SORL1: variants seen among roughly 807,000 people sequenced by gnomAD.
SORL1 encodes the protein sortilin-related receptor.
SORL1 carries 127 observed loss-of-function variants against 273.7 expected under a neutral mutation model. The ratio of observed to expected loss-of-function variants is 0.46; its 90% CI spans 0.40 to 0.54. The LOEUF (loss-of-function observed/expected upper bound fraction) is 0.54. SORL1 is among the 20% of genes least tolerant of loss of function. SORL1 has a pLI of 0.00. For missense variants in SORL1, 2,494 were observed against 2,846.1 expected (o/e 0.88, Z 2.81); for synonymous variants, 1,031 against 1,067.4 (o/e 0.97, Z 0.66).
At chr11:121,462,377 C>T (rs1471763402) in intron 1 of SORL1, among the ~76,000 whole-genome samples, 1 of 152,110 alleles carries the variant, frequency 6.6e-6, no homozygotes, top group African/African-American at 2.4e-5. Flanking sequence ...TTTTCCATCC[C>T]CTTTTCCCTA....
At chr11:121,624,017 A>C (rs964000883) in intron 45 of SORL1, among the ~76,000 whole-genome samples, 1 of 152,228 alleles carries the variant, frequency 6.6e-6, no homozygotes, top group South Asian at 2.1e-4. Context: ...CAAAGAGAGA[A>C]TGAGAGCCAA....
At chr11:121,577,116 T>A (rs1862942728) in intron 24 of SORL1, 165 bp from the exon 25 acceptor site, 4 of 1,101,462 alleles carry the variant, frequency 3.6e-6, no homozygotes, top group Non-Finnish European at 2.6e-6. Flanking sequence ...GACTGGAAGC[T>A]GTTAAATGAC....
chr11:121,604,045 G>A (rs976641667), intron 32 of SORL1, 148 bp from the exon 33 acceptor site: 27 of 948,192 alleles, frequency 2.8e-5, no homozygotes, highest in South Asian at 6.5e-5. Context: ...CCTTAGTGCC[G>A]GTATAGATTC....
rs765953127 is a variant in SORL1, at chr11:121,625,297, C to T, written c.6364+20C>T. On this transcript the variant is annotated intron_variant, in intron 46 of 47. Transcript: ENST00000260197. ...GGTCTGGTGAGTTGCGATTGCTGCCCGTTTCTGTCTTCAGTTCTAGGGAAA... is the reference window on the plus strand; with the variant it reads ...GGTCTGGTGAGTTGCGATTGCTGCCTGTTTCTGTCTTCAGTTCTAGGGAAA... The T allele has an allele frequency of 8.2e-6, 13 of 1,588,164 alleles. No homozygotes were observed. The highest frequency in any genetic ancestry group is 1.3e-5 in the African/African-American group (1 of 74,218).
chr11:121,532,443 C>T (rs752323596), intron 11 of SORL1, 21 bp from the exon 12 acceptor site: 6 of 1,611,444 alleles, frequency 3.7e-6, no homozygotes, highest in Non-Finnish European at 2.5e-6. Context: ...AGTGGTGTCA[C>T]CATGGATTTT....
At chr11:121,557,052 A>G (rs1862597870) in intron 18 of SORL1, 1 of 515,204 alleles carries the variant, frequency 1.9e-6, no homozygotes, top group Non-Finnish European at 3.5e-6. Context: ...TGCTTTGTCC[A>G]GATCATCATG....
In SORL1 at chr11:121,550,590, G is replaced by A. The variant is rs757471141; in HGVS notation, c.2186G>A (p.Arg729Gln). ...CTCTTGGGGTGGGGTGACAGCTACC[G>A]GAAGATTTCTGGGGACACTTGTAGC... The part of the protein sequence containing the change: ...GSTYRRTRGY[R>Q]KISGDTCSGG... The change falls in exon 16 of 48, where the codon CGG (arginine) becomes CAG (glutamine). Residue 729 changes from arginine to glutamine, a missense_variant. This residue lies in a region of SORL1 where 710 missense variants were observed against 882.5 expected (regional missense o/e 0.80). Transcript: ENST00000260197. The surrounding 1 kb of genome is among the most constrained non-coding windows in gnomAD (Gnocchi z 5.3). 2.5e-5 allele frequency: 40 copies of A among 1,613,940 alleles called. No homozygotes were observed. The highest frequency in any genetic ancestry group is 1.5e-4 in the Admixed American group (9 of 59,988).
At chr11:121,487,928 GC>G in intron 3 of SORL1, 103 bp from the exon 4 acceptor site, 1 of 1,183,098 alleles carries the variant, frequency 8.5e-7, no homozygotes, top group Non-Finnish European at 1.2e-6. Context: ...GTGCCAGCTG[GC>G]CCCTGCACAT....
intron 12 of SORL1, among the ~76,000 whole-genome samples, chr11:121,535,089 G>GT (rs67090204): frequency 6.8e-4 from 101 of 148,604 alleles, no homozygotes; most frequent in Middle Eastern, 3.4e-3. Flanking sequence ...ATTGCTTATG[G>GT]TTTTTTTTTT....
rs1283068492 is a variant in SORL1, at chr11:121,604,391, C to CT, written c.4651+68dup. ...GGGAGGCTCGCTTACCCCAGGGCCC[C>CT]TCCTGTGTAGACCTTGAGCTAGGAC... is the stretch of plus-strand genomic sequence containing the variant. On this transcript the variant is annotated intron_variant, in intron 33 of 47. Coordinates refer to ENST00000260197, the MANE Select transcript of SORL1 (RefSeq NM_003105.6). 10 of 1,579,586 alleles carry CT rather than the reference C, an allele frequency of 6.3e-6. No homozygotes were observed. The East Asian group carries it at 2.3e-4, about 36-fold the overall frequency.
intron 3 of SORL1, 122 bp from the exon 4 acceptor site, chr11:121,487,910 C>A: frequency 2.1e-6 from 2 of 947,294 alleles, no homozygotes; most frequent in Non-Finnish European, 3.2e-6. Flanking sequence ...GGCTGTGGTG[C>A]CTTGTTGGTG....
At chr11:121,527,445 C>T (rs908326900) in intron 11 of SORL1, among the ~76,000 whole-genome samples, 2 of 151,638 alleles carry the variant, frequency 1.3e-5, no homozygotes, top group Non-Finnish European at 2.9e-5. Flanking sequence ...AGATACTTGT[C>T]TTTAATTTGT....
rs1329989670 is a variant in SORL1, at chr11:121,615,072, G to A, written c.5604+17G>A. ...CGGAATGTGGTGAGTCAGCCAGAAT[G>A]ACCATCACAAAGTGAGTGTGGACTG... On this transcript the variant is annotated intron_variant, in intron 41 of 47. Coordinates refer to ENST00000260197, the MANE Select transcript of SORL1 (RefSeq NM_003105.6). 6.3e-7 allele frequency: 1 copy of A among 1,579,504 alleles called. No individual in the cohort carries two copies. Among genetic ancestry groups the A allele is most frequent in the African/African-American group, 1.4e-5 (1 of 73,588 alleles).
In SORL1 at chr11:121,488,342, C is replaced by T. The variant is rs899045369; in HGVS notation, c.690+149C>T. 5 of 818,902 alleles carry T rather than the reference C, an allele frequency of 6.1e-6. No homozygotes were observed. The African/African-American group carries it at 8.6e-5, about 14-fold the overall frequency. The allele number at this position is 818,902 out of a possible 1,614,324, so 50.7% of individuals were successfully genotyped here. ...CCTTTGTAGCTACTATTTCACTTACCAGGGCTCAAGAAAAATATCTCCTCC... is the reference window on the plus strand; with the variant it reads ...CCTTTGTAGCTACTATTTCACTTACTAGGGCTCAAGAAAAATATCTCCTCC... On this transcript the variant is annotated intron_variant, in intron 4 of 47. Transcript: ENST00000260197.
Position 121,609,188 on chromosome 11 carries a change from G to T in SORL1, c.5239+1012G>T, listed in dbSNP as rs373346495. 7.2e-5 allele frequency: 11 copies of T among 152,296 alleles called. No homozygotes were observed. The South Asian group carries it at 1.0e-3, about 14-fold the overall frequency. The allele number at this position is 152,296 out of a possible 1,614,324, so 9.4% of individuals were successfully genotyped here. On this transcript the variant is annotated intron_variant, in intron 38 of 47. Coordinates refer to ENST00000260197, the MANE Select transcript of SORL1 (RefSeq NM_003105.6). The stretch of plus-strand genomic sequence containing the variant: ...GACACTGTGGCATGCAATAGGACTG[G>T]AAGATTTTACTTTAACCTAAGCCTG...
At position 121,632,231 on chromosome 11, in the gene SORL1, G is replaced by A. The variant is rs1433225680; in HGVS notation, c.*2668G>A. ...TGGGCCTCTAAAAATTGGTGGGCAGGGGGTTTGCTTATGAGTTTTCTCTGG... is the reference window on the plus strand; with the variant it reads ...TGGGCCTCTAAAAATTGGTGGGCAGAGGGTTTGCTTATGAGTTTTCTCTGG... On this transcript the variant is annotated 3_prime_UTR_variant, in exon 48 of 48. Transcript: ENST00000260197. 2 of 152,154 alleles carry A rather than the reference G, an allele frequency of 1.3e-5. No individual in the cohort carries two copies. Among genetic ancestry groups the A allele is most frequent in the Non-Finnish European group, 1.5e-5 (1 of 68,048 alleles). The allele number at this position is 152,154 out of a possible 1,614,324, so 9.4% of individuals were successfully genotyped here. A position where few individuals can be genotyped will look rare whatever the true frequency, so the allele number is the denominator to read the frequency against.
At chr11:121,515,367 T>C (rs1861935641) in intron 8 of SORL1, among the ~76,000 whole-genome samples, 1 of 152,190 alleles carries the variant, frequency 6.6e-6, no homozygotes, top group African/African-American at 2.4e-5. Context: ...TTCTATTGGC[T>C]GCTTCAGGAG....
chr11:121,503,178 A>G (rs1861737871), intron 6 of SORL1, among the ~76,000 whole-genome samples: 1 of 152,046 alleles, frequency 6.6e-6, no homozygotes, highest in Admixed American at 6.6e-5. Context: ...CCGTGTTTTT[A>G]ATTTTGATGA....
chr11:121,520,759 G>C lies in SORL1; in HGVS notation c.1314G>C (p.Met438Ile). The change falls in exon 9 of 48, where the codon ATG becomes ATC. Residue 438 changes from methionine to isoleucine, a missense_variant. This residue lies in a region of SORL1 where 710 missense variants were observed against 882.5 expected (regional missense o/e 0.80). Transcript: ENST00000260197. ...LINGSMNEEN[M>I]RSVITFDKGG... is the part of the protein sequence containing the mutation. The stretch of plus-strand genomic sequence containing the variant: ...ATGGTTCTATGAATGAGGAGAACAT[G>C]AGATCGGTCATCACCTTTGACAAAG... The C allele has an allele frequency of 2.5e-6, 4 of 1,613,210 alleles. No homozygotes were observed. The South Asian group carries it at 3.3e-5, about 13-fold the overall frequency.
Sources: gnomAD v4.1 joint callset for allele counts (sites outside exome capture counted in the v4.1 genomes callset) on GRCh38, gnomAD v4.1.1 for gene constraint, gnomAD v4.1.1 regional missense constraint, Gnocchi (gnomAD v3.1) non-coding constraint, MANE v1.5 for transcripts, NCBI Gene and HGNC (gene_info 2026-07-23, HGNC 2026-07-21) for gene names.